Variants in PDE6D observed in about 807,000 individuals in gnomAD.
PDE6D encodes retinal rod rhodopsin-sensitive cGMP 3',5'-cyclic phosphodiesterase subunit delta.
In PDE6D, 10 loss-of-function variants were observed where a neutral mutation model predicts 21.9. That is an observed-to-expected ratio of 0.46 (90% CI 0.28 to 0.78). PDE6D has a LOEUF of 0.78. Ranked by LOEUF, PDE6D falls within the 30% of genes least tolerant of loss-of-function variation. PDE6D has a pLI of 0.12. For synonymous variants in PDE6D, 59 were observed against 63.5 expected (o/e 0.93, Z 0.34); for missense variants, 139 against 184.8 (o/e 0.75, Z 1.44).
chr2:231,773,803 T>C (rs1204125595), intron 1 of PDE6D, among the ~76,000 whole-genome samples: 2 of 152,206 alleles, frequency 1.3e-5, no homozygotes, highest in Admixed American at 1.3e-4. Flanking sequence ...TCAATGCTTA[T>C]TGAATCATTT....
chr2:231,771,776 C>T (rs141231570), intron 1 of PDE6D, among the ~76,000 whole-genome samples: 21 of 152,102 alleles, frequency 1.4e-4, no homozygotes, highest in African/African-American at 4.6e-4. Flanking sequence ...AACTTTTTGC[C>T]GATTTTAGGT....
intron 1 of PDE6D, among the ~76,000 whole-genome samples, chr2:231,761,458 G>T (rs568621795): frequency 6.6e-6 from 1 of 152,226 alleles, no homozygotes; most frequent in Non-Finnish European, 1.5e-5. Context: ...TTACAGGCGT[G>T]AGCCACCAGG....
At chr2:231,772,601 G>T (rs1301374735) in intron 1 of PDE6D, among the ~76,000 whole-genome samples, 1 of 152,150 alleles carries the variant, frequency 6.6e-6, no homozygotes, top group Non-Finnish European at 1.5e-5. Context: ...AGAGGGATAG[G>T]TCTATAAGTC....
chr2:231,752,831 GTTT>G (rs778027978), intron 1 of PDE6D, among the ~76,000 whole-genome samples: 1 of 119,298 alleles, frequency 8.4e-6, no homozygotes, highest in South Asian at 2.7e-4. Context: ...AGAGATTTGA[GTTT>G]TTTTTTTTTT....
chr2:231,766,997 A>C (rs1366795743), intron 1 of PDE6D, among the ~76,000 whole-genome samples: 12 of 149,566 alleles, frequency 8.0e-5, no homozygotes, highest in Middle Eastern at 3.5e-3. Flanking sequence ...CCGTCTCAAA[A>C]AAAAAAAAAA....
chr2:231,776,827 TC>T (rs2049061539), intron 1 of PDE6D, among the ~76,000 whole-genome samples: 1 of 152,196 alleles, frequency 6.6e-6, no homozygotes, highest in South Asian at 2.1e-4. Context: ...ATCATATTGT[TC>T]CCCAAGTAAC....
At chr2:231,777,796 T>C (rs1415752062) in intron 1 of PDE6D, among the ~76,000 whole-genome samples, 1 of 152,222 alleles carries the variant, frequency 6.6e-6, no homozygotes, top group Non-Finnish European at 1.5e-5. Context: ...AACTATTGGC[T>C]ATCCAAACAG....
chr2:231,737,187 G>A lies in PDE6D; in HGVS notation c.371C>T (p.Thr124Ile), dbSNP rs2048708288. The change falls in exon 4 of 5, where the codon ACT becomes ATT. Residue 124 changes from threonine (T) to isoleucine (I), a missense_variant and splice_region_variant. Thr to Ile is a moderately conservative substitution (Grantham distance 89). Transcript: ENST00000287600. ...ESQMMPASVL[T>I]GNVIIETKFF... Reference sequence around the variant, plus strand: ...AATTTCCTGAGACCTGCTCACTCACGTTAAGACGCTTGCTGGCATCATCTG... The same window carrying A: ...AATTTCCTGAGACCTGCTCACTCACATTAAGACGCTTGCTGGCATCATCTG... 4 of 1,583,242 alleles carry A rather than the reference G, an allele frequency of 2.5e-6. No homozygotes were observed. Among genetic ancestry groups the A allele is most frequent in the South Asian group, 1.1e-5 (1 of 90,416 alleles).
chr2:231,736,985 G>T (rs1419866500), intron 4 of PDE6D, among the ~76,000 whole-genome samples: 1 of 152,112 alleles, frequency 6.6e-6, no homozygotes, highest in Non-Finnish European at 1.5e-5. Context: ...TTTATTTTTA[G>T]TTTTTTATTC....
intron 4 of PDE6D, among the ~76,000 whole-genome samples, chr2:231,736,027 CAAAA>C (rs1214326163): frequency 1.1e-5 from 1 of 87,414 alleles, no homozygotes. Context: ...GACTCTGTCT[CAAAA>C]AAAAAAAAAA....
intron 1 of PDE6D, among the ~76,000 whole-genome samples, chr2:231,779,936 T>C (rs913194801): frequency 6.6e-6 from 1 of 152,210 alleles, no homozygotes; most frequent in Admixed American, 6.5e-5. Flanking sequence ...AAAACAGTGC[T>C]TTACTAAACC....
intron 1 of PDE6D, among the ~76,000 whole-genome samples, chr2:231,766,993 C>CAA (rs3038045): frequency 0.011 from 396 of 35,704 alleles, 6 homozygotes; most frequent in African/African-American, 0.012. Flanking sequence ...GACTCCGTCT[C>CAA]AAAAAAAAAA....
intron 1 of PDE6D, among the ~76,000 whole-genome samples, chr2:231,742,807 G>A (rs1051598835): frequency 1.3e-5 from 2 of 152,134 alleles, no homozygotes; most frequent in East Asian, 1.9e-4. Flanking sequence ...GCATAATCAG[G>A]GGTGAGCACA....
intron 4 of PDE6D, 80 bp from the exon 5 acceptor site, chr2:231,733,113 C>T (rs1252914050): frequency 1.3e-5 from 13 of 989,380 alleles, no homozygotes; most frequent in Non-Finnish European, 1.9e-5. Flanking sequence ...AAGTGGTTTC[C>T]ATCTGGATTC....
intron 1 of PDE6D, among the ~76,000 whole-genome samples, chr2:231,757,465 T>C (rs1023299396): frequency 1.3e-5 from 2 of 152,118 alleles, no homozygotes; most frequent in Non-Finnish European, 2.9e-5. Flanking sequence ...GCCCAGCTAA[T>C]TGTTGTATTT....
chr2:231,736,569 T>A (rs1459207929), intron 4 of PDE6D, among the ~76,000 whole-genome samples: 4 of 152,204 alleles, frequency 2.6e-5, no homozygotes, highest in Non-Finnish European at 5.9e-5. Flanking sequence ...GACAGTGTTT[T>A]TGGAAAAAGC....
chr2:231,775,193 C>T (rs576488699), intron 1 of PDE6D, among the ~76,000 whole-genome samples: 13 of 152,208 alleles, frequency 8.5e-5, no homozygotes, highest in African/African-American at 2.4e-4. Flanking sequence ...GGATTACAGG[C>T]GTGAACCACT....
chr2:231,752,879 G>A (rs535958667), intron 1 of PDE6D, among the ~76,000 whole-genome samples: 298 of 140,052 alleles, frequency 2.1e-3, no homozygotes, highest in Non-Finnish European at 3.0e-3. Context: ...TGTCGCCCAG[G>A]CTGGAGTGCA....
intron 1 of PDE6D, among the ~76,000 whole-genome samples, chr2:231,745,251 T>C (rs1314718819): frequency 6.6e-6 from 1 of 151,748 alleles, no homozygotes; most frequent in Non-Finnish European, 1.5e-5. Context: ...CGAGGAAACA[T>C]TTGGCTAAAA....
Sources: allele counts gnomAD v4.1 joint callset (sites outside exome capture counted in the v4.1 genomes callset), GRCh38; gene constraint gnomAD v4.1.1; transcripts MANE v1.5; gene names NCBI Gene and HGNC (gene_info 2026-07-23, HGNC 2026-07-21).